The following UBR4 variants were observed in gnomAD, a reference collection of about 807,000 sequenced individuals.
UBR4 encodes E3 ubiquitin-protein ligase UBR4.
A neutral mutation model predicts 575.6 loss-of-function variants in UBR4; 124 were observed. The ratio of observed to expected loss-of-function variants is 0.22; its 90% CI spans 0.19 to 0.25. UBR4 has a LOEUF of 0.25. UBR4 is among the 10% of genes least tolerant of loss of function. The pLI, the probability that UBR4 is intolerant of heterozygous loss-of-function variation, is 1.00. For missense variants in UBR4, 4,818 were observed against 6,478.8 expected, an observed-to-expected ratio of 0.74 and a Z score of 8.80; for synonymous variants, 2,455 against 2,473.7, an observed-to-expected ratio of 0.99 and a Z score of 0.22.
chr1:19,102,308 T>C (rs2149093279), intron 87 of UBR4, among the ~76,000 whole-genome samples: 2 of 151,088 alleles, frequency 1.3e-5, no homozygotes, highest in East Asian at 3.9e-4. Flanking sequence ...GAGGTTACAG[T>C]GAGCCTCGAT....
chr1:19,174,152 T>C (rs560407496), intron 22 of UBR4, among the ~76,000 whole-genome samples, 167 bp downstream of exon 22: 2 of 152,354 alleles, frequency 1.3e-5, no homozygotes, highest in South Asian at 4.1e-4. Flanking sequence ...GATTAAATTA[T>C]CTTTAAGGTG....
chr1:19,190,809 T>G (rs910341169), intron 11 of UBR4, among the ~76,000 whole-genome samples: 1 of 152,202 alleles, frequency 6.6e-6, no homozygotes, highest in African/African-American at 2.4e-5. Context: ...TCTGGAATGA[T>G]GCATTCGCTG....
intron 87 of UBR4, among the ~76,000 whole-genome samples, chr1:19,102,955 G>A (rs1050884822): frequency 3.3e-5 from 5 of 152,262 alleles, no homozygotes; most frequent in Middle Eastern, 3.4e-3. Context: ...AGGGGTTTGC[G>A]GCTCAAACCT....
At chr1:19,124,478 C>A in intron 65 of UBR4, 63 bp downstream of exon 65, 1 of 1,589,070 alleles carries the variant, frequency 6.3e-7, no homozygotes, top group South Asian at 1.2e-5. Context: ...GAAAGGGGCC[C>A]ACAGAGGTGA....
intron 19 of UBR4, 57 bp downstream of exon 19, chr1:19,177,404 T>C (rs922627414): frequency 1.3e-6 from 2 of 1,586,804 alleles, no homozygotes; most frequent in African/African-American, 2.7e-5. Context: ...TGGTAACCAT[T>C]GAGAAGAATA....
chr1:19,106,853 C>G lies in UBR4; in HGVS notation c.12219G>C (p.Lys4073Asn). The change falls in exon 82 of 106, where the codon AAG becomes AAC. Residue 4073 changes from lysine to asparagine, a missense_variant. Physicochemically the swap from Lys to Asn is moderately conservative, Grantham distance 94 (BLOSUM62 0). Around this residue, in one of 29 missense-constraint regions of UBR4, gnomAD observed 178 missense variants for 175.5 expected, o/e 1.01. Coordinates refer to ENST00000375254, the MANE Select transcript of UBR4 (RefSeq NM_020765.3). ...AAGATATACCTCTGATAGGAAGACA[C>G]TTCTTCCAGGCATCATAGGATGCCT... is the stretch of plus-strand genomic sequence containing the variant. ...DPKASYDAWKKCLPIRGIDGN... is the reference protein window; with the variant it reads ...DPKASYDAWKNCLPIRGIDGN... The G allele has an allele frequency of 6.2e-7, 1 of 1,614,014 alleles. No homozygotes were observed. Among genetic ancestry groups the G allele is most frequent in the South Asian group, 1.1e-5 (1 of 91,082 alleles).
chr1:19,109,975 C>T, intron 81 of UBR4, 121 bp downstream of exon 81: 6 of 1,434,250 alleles, frequency 4.2e-6, no homozygotes, highest in Non-Finnish European at 5.7e-6. Flanking sequence ...TGCACTGGAG[C>T]CTCTCAGGGG....
At position 19,144,040 on chromosome 1, in the gene UBR4, G is replaced by A. The variant is rs1243239526; in HGVS notation, c.8119C>T (p.Pro2707Ser). 1 of 1,614,082 alleles carries A rather than the reference G, an allele frequency of 6.2e-7. No individual in the cohort carries two copies. The highest frequency in any genetic ancestry group is 8.5e-7 in the Non-Finnish European group (1 of 1,179,964). The change falls in exon 55 of 106, where the codon CCC (proline) becomes TCC (serine). Residue 2707 changes from proline to serine, a missense_variant. Pro to Ser is a moderately conservative substitution (Grantham distance 74, BLOSUM62 -1). Around this residue, in one of 29 missense-constraint regions of UBR4, gnomAD observed 129 missense variants for 198.4 expected, o/e 0.65. Coordinates refer to ENST00000375254, the MANE Select transcript of UBR4 (RefSeq NM_020765.3). Reference protein sequence around the residue: ...CKQALIRVLRPRNKRRHVTLP... With the variant: ...CKQALIRVLRSRNKRRHVTLP... The stretch of plus-strand genomic sequence containing the variant: ...GTCACATGTCTCCGTTTGTTCCTGG[G>A]CCTTAGGACTCGAATTAGAGCTTGT...
At chr1:19,188,955 T>TG (rs2091814882) in intron 11 of UBR4, among the ~76,000 whole-genome samples, 1 of 151,982 alleles carries the variant, frequency 6.6e-6, no homozygotes, top group Non-Finnish European at 1.5e-5. Context: ...GGAGACAAAG[T>TG]GACTCTACCT....
chr1:19,174,703 A>C (rs893744665), intron 21 of UBR4, among the ~76,000 whole-genome samples: 15 of 152,234 alleles, frequency 9.9e-5, no homozygotes, highest in African/African-American at 3.4e-4. Flanking sequence ...CATGTGAAAA[A>C]TGCTAACAAA....
intron 65 of UBR4, 93 bp from the exon 66 acceptor site, chr1:19,123,153 A>T (rs2081354108): frequency 7.2e-7 from 1 of 1,396,210 alleles, no homozygotes; most frequent in African/African-American, 1.4e-5. Context: ...ATAAACTGTT[A>T]TTAAAAGCTG....
Position 19,160,162 on chromosome 1 carries a change from G to A in UBR4, c.5526C>T (p.Leu1842=). 4 of 1,614,042 alleles carry A rather than the reference G, an allele frequency of 2.5e-6. No individual in the cohort carries two copies. The highest frequency in any genetic ancestry group is 2.5e-6 in the Non-Finnish European group (3 of 1,179,998). The change falls in exon 39 of 106, where the codon CTC becomes CTT. Residue 1842 remains leucine (L), a synonymous_variant. Transcript: ENST00000375254. ...CCTTCTCCACAGTGTGTAGCTCACTGAGGGCTTGCTGAGCACGGCTGCTGC... is the reference window on the plus strand; with the variant it reads ...CCTTCTCCACAGTGTGTAGCTCACTAAGGGCTTGCTGAGCACGGCTGCTGC... ...VGSSSRAQQA[L]SELHTVEKAV...
intron 28 of UBR4, 111 bp from the exon 29 acceptor site, chr1:19,167,342 G>A (rs550472927): frequency 1.4e-5 from 15 of 1,089,824 alleles, no homozygotes; most frequent in Admixed American, 2.0e-5. Flanking sequence ...GGGGAATTGC[G>A]CAAGGGCCTT....
intron 102 of UBR4, 101 bp from the exon 103 acceptor site, chr1:19,081,674 T>C (rs1240985503): frequency 4.6e-6 from 6 of 1,311,158 alleles, no homozygotes; most frequent in Admixed American, 1.7e-5. Context: ...CTTGTGACAT[T>C]TGCTGAACGC....
At chr1:19,096,757 TTCCGTATC>T (rs2078095001) in intron 91 of UBR4, 107 bp from the exon 92 acceptor site, 3 of 1,471,574 alleles carry the variant, frequency 2.0e-6, no homozygotes, top group Non-Finnish European at 1.8e-6. Flanking sequence ...GACAGCCCTT[TTCCGTATC>T]TCCAATAAAG....
intron 69 of UBR4, 79 bp downstream of exon 69, chr1:19,120,101 A>G: frequency 6.6e-7 from 1 of 1,523,988 alleles, no homozygotes; most frequent in Non-Finnish European, 9.0e-7. Context: ...ACCATATGTA[A>G]CCGAAAACAA....
rs553161716 is a variant in UBR4 at position 19,144,202 on chromosome 1, C to G, written c.8068-111G>C. On this transcript the variant is annotated intron_variant, in intron 54 of 105. Coordinates refer to ENST00000375254, the MANE Select transcript of UBR4 (RefSeq NM_020765.3). The stretch of plus-strand genomic sequence containing the variant: ...ACTCACATGCAAGTGGAATACCTCT[C>G]TACTCTCACCTGCAACCCAGCGGAC... The G allele has an allele frequency of 4.3e-5, 39 of 897,782 alleles. No individual in the cohort carries two copies. The African/African-American group carries it at 6.1e-4, about 14-fold the overall frequency. 55.6% of individuals were successfully genotyped at this position (897,782 alleles called of 1,614,324 possible). A position where few individuals can be genotyped will look rare whatever the true frequency, so the allele number is the denominator to read the frequency against.
intron 64 of UBR4, among the ~76,000 whole-genome samples, 189 bp downstream of exon 64, chr1:19,126,257 G>A (rs1176953819): frequency 1.3e-5 from 2 of 152,182 alleles, no homozygotes; most frequent in Non-Finnish European, 2.9e-5. Context: ...AGGCAGGAAT[G>A]AGAATCCCAC....
At chr1:19,090,462 C>T (rs889870456) in intron 97 of UBR4, among the ~76,000 whole-genome samples, 4 of 152,174 alleles carry the variant, frequency 2.6e-5, no homozygotes, top group African/African-American at 7.2e-5. Context: ...GCCTCGCCTC[C>T]GACTGCAGCT....
Sources: gnomAD v4.1 joint callset for allele counts (sites outside exome capture counted in the v4.1 genomes callset) on GRCh38, gnomAD v4.1.1 for gene constraint, gnomAD v4.1.1 regional missense constraint, MANE v1.5 for transcripts, NCBI Gene and HGNC (gene_info 2026-07-23, HGNC 2026-07-21) for gene names.